The following B4GALNT3 variants were observed in gnomAD, a reference collection of about 807,000 sequenced individuals.
B4GALNT3 encodes the protein beta-1,4-N-acetylgalactosaminyltransferase 3.
In B4GALNT3, 86 loss-of-function variants were observed where a neutral mutation model predicts 120.2. The observed-to-expected ratio is 0.72, with a 90% CI of 0.60 to 0.86. The LOEUF (loss-of-function observed/expected upper bound fraction) is 0.86, where lower values mean the gene tolerates loss of function less well. Ranked by LOEUF, B4GALNT3 falls within the 40% of genes least tolerant of loss-of-function variation. The pLI is 0.00. For missense variants in B4GALNT3, 1,167 were observed against 1,298.9 expected, an observed-to-expected ratio of 0.90 and a Z score of 1.56; for synonymous variants, 518 against 510.4, an observed-to-expected ratio of 1.01 and a Z score of -0.20.
At chr12:462,991 A>T (rs1946037030) in intron 1 of B4GALNT3, among the ~76,000 whole-genome samples, 1 of 152,188 alleles carries the variant, frequency 6.6e-6, no homozygotes, top group South Asian at 2.1e-4. Context: ...ACCAACAGGA[A>T]CCAGGGTAGT....
intron 1 of B4GALNT3, among the ~76,000 whole-genome samples, chr12:475,500 C>T (rs1021614555): frequency 5.9e-5 from 9 of 152,150 alleles, no homozygotes; most frequent in African/African-American, 2.2e-4. Flanking sequence ...CTTCCTGTCC[C>T]GGCAGAACCG....
chr12:518,373 A>T (rs1023293343), intron 1 of B4GALNT3, among the ~76,000 whole-genome samples: 1 of 152,216 alleles, frequency 6.6e-6, no homozygotes, highest in African/African-American at 2.4e-5. Context: ...TCCCTTATAT[A>T]AAATATGGTG....
intron 1 of B4GALNT3, among the ~76,000 whole-genome samples, chr12:467,134 G>C (rs1186744389): frequency 7.8e-6 from 1 of 127,992 alleles, no homozygotes; most frequent in Non-Finnish European, 1.9e-5. Context: ...TTGAGACTGA[G>C]TCTTACTCTG....
At chr12:491,902 A>G (rs1946342632) in intron 1 of B4GALNT3, among the ~76,000 whole-genome samples, 1 of 151,866 alleles carries the variant, frequency 6.6e-6, no homozygotes, top group Non-Finnish European at 1.5e-5. Context: ...AAAAATACAA[A>G]AAAAAATTAG....
intron 1 of B4GALNT3, among the ~76,000 whole-genome samples, chr12:503,775 C>G (rs150350219): frequency 6.6e-6 from 1 of 152,164 alleles, no homozygotes; most frequent in South Asian, 2.1e-4. Flanking sequence ...CTCCCATTCA[C>G]CTGGCAGCAT....
Position 548,422 on chromosome 12 carries a change from T to G in B4GALNT3, c.853+125T>G. 1 of 847,378 alleles carries G rather than the reference T, an allele frequency of 1.2e-6. No individual in the cohort carries two copies. The allele number at this position is 847,378 out of a possible 1,614,324, so 52.5% of individuals were successfully genotyped here. On this transcript the variant is annotated intron_variant, in intron 9 of 19. Coordinates refer to ENST00000266383, the MANE Select transcript of B4GALNT3 (RefSeq NM_173593.4). This position sits in a 1 kb window ranked among gnomAD's most constrained non-coding sequence, Gnocchi z 4.9. ...GCTCGAGATGCTTGGGACACGGGTA[T>G]GAAGGGGTCCAGAACAAGAGTGGGA...
chr12:544,124 G>A (rs576015591), intron 3 of B4GALNT3, among the ~76,000 whole-genome samples: 2 of 132,590 alleles, frequency 1.5e-5, no homozygotes, highest in African/African-American at 5.5e-5. Context: ...GCTGGGACGG[G>A]CATGGGGTGC....
Position 460,682 on chromosome 12 carries a change from CCGCG to C in B4GALNT3, c.169+140_169+143del. 1.1e-6 allele frequency: 1 copy of C among 947,254 alleles called. No individual in the cohort carries two copies. Among genetic ancestry groups the C allele is most frequent in the Non-Finnish European group, 1.4e-6 (1 of 723,740 alleles). 58.7% of individuals were successfully genotyped at this position (947,254 alleles called of 1,614,324 possible). A position where few individuals can be genotyped will look rare whatever the true frequency, so the allele number is the denominator to read the frequency against. ...TCTCCCTCAGGTGCCCGGCGTCGCC[CCGCG>C]CGTACTCGGGGAGAGCTGCGGGCGG... is the stretch of plus-strand genomic sequence containing the variant. On this transcript the variant is annotated intron_variant, in intron 1 of 19. Coordinates refer to ENST00000266383, the MANE Select transcript of B4GALNT3 (RefSeq NM_173593.4). The surrounding 1 kb of genome is among the most constrained non-coding windows in gnomAD (Gnocchi z 8.0).
intron 9 of B4GALNT3, among the ~76,000 whole-genome samples, chr12:549,496 C>T (rs1234779154): frequency 1.3e-5 from 2 of 152,214 alleles, no homozygotes; most frequent in South Asian, 2.1e-4. Flanking sequence ...TCTAGCAGTC[C>T]GCAGTAACAC....
At chr12:543,820 G>T (rs1946952870) in intron 3 of B4GALNT3, among the ~76,000 whole-genome samples, 4 of 134,550 alleles carry the variant, frequency 3.0e-5, no homozygotes, top group East Asian at 2.3e-4. Flanking sequence ...GAGCTGAGGA[G>T]CTGGGATGGG....
rs1389600625 is a variant in B4GALNT3 at position 535,217 on chromosome 12, C to T, written c.221C>T (p.Pro74Leu). The change falls in exon 2 of 20, where the codon CCA becomes CTA. Residue 74 changes from proline to leucine, a missense_variant. Transcript: ENST00000266383. ...AAGGCTCTGGCCAGCAGGAACATTC[C>T]AGCTGTGGATCCACACCTCCAGTTC... is the stretch of plus-strand genomic sequence containing the variant. ...LAKALASRNI[P>L]AVDPHLQFYH... is the part of the protein sequence containing the mutation. 2 of 1,613,812 alleles carry T rather than the reference C, an allele frequency of 1.2e-6. No homozygotes were observed. The highest frequency in any genetic ancestry group is 1.7e-6 in the Non-Finnish European group (2 of 1,179,988).
chr12:500,872 T>TTTTTTTTTTTTTTTTTTTTTTTTTG (rs1946434965), intron 1 of B4GALNT3, among the ~76,000 whole-genome samples: 1 of 126,288 alleles, frequency 7.9e-6, no homozygotes, highest in Non-Finnish European at 1.7e-5. Flanking sequence ...CTGCTTTTTT[T>TTTTTTTTTTTTTTTTTTTTTTTTTG]TTTTTTTTTT....
intron 7 of B4GALNT3, 25 bp from the exon 8 acceptor site, chr12:547,999 G>A (rs1947029529): frequency 6.2e-7 from 1 of 1,608,734 alleles, no homozygotes; most frequent in Admixed American, 1.7e-5. Context: ...ATGGCGCTCT[G>A]CTTCCCTGCC....
At position 549,918 on chromosome 12, in the gene B4GALNT3, G is replaced by C. The variant is rs1947058717; in HGVS notation, c.997+6G>C. ...CCGGGACACCCTCTATCGAGGTAAG[G>C]CCTCGGCCAGCGCTTGGCGTCCTTT... is the stretch of plus-strand genomic sequence containing the variant. On this transcript the variant is annotated splice_donor_region_variant and intron_variant, in intron 10 of 19. Coordinates refer to ENST00000266383, the MANE Select transcript of B4GALNT3 (RefSeq NM_173593.4). 1.9e-6 allele frequency: 3 copies of C among 1,606,688 alleles called. No individual in the cohort carries two copies. The highest frequency in any genetic ancestry group is 2.7e-5 in the African/African-American group (2 of 74,706).
intron 13 of B4GALNT3, 168 bp from the exon 14 acceptor site, chr12:553,026 G>A: frequency 1.1e-6 from 1 of 897,754 alleles, no homozygotes; most frequent in Non-Finnish European, 1.7e-6. Context: ...GGGGTTAATT[G>A]AGGTTGAGTA....
At chr12:546,997 C>T (rs929993393) in intron 7 of B4GALNT3, among the ~76,000 whole-genome samples, 2 of 152,224 alleles carry the variant, frequency 1.3e-5, no homozygotes, top group Non-Finnish European at 2.9e-5. Context: ...AGTCCTTGCC[C>T]TCCCCCGTTT....
At chr12:483,920 C>T (rs896008410) in intron 1 of B4GALNT3, among the ~76,000 whole-genome samples, 1 of 152,146 alleles carries the variant, frequency 6.6e-6, no homozygotes, top group African/African-American at 2.4e-5. Flanking sequence ...TTGACTTGCA[C>T]AGTGAGCTGG....
rs36039630 is a variant in B4GALNT3, at chr12:545,723, G to T, written c.639+254G>T. On this transcript the variant is annotated intron_variant, in intron 6 of 19. Coordinates refer to ENST00000266383, the MANE Select transcript of B4GALNT3 (RefSeq NM_173593.4). ...GGAGTGAGGAATGGGGAGGAGCGAG[G>T]TGTGGGGAGGAGCGAGGAGTGGGGA... Among the ~76,000 whole-genome samples the T allele has an allele frequency of 7.9e-5, 9 of 113,642 alleles. 1 individual carries two copies. The highest frequency in any genetic ancestry group is 1.9e-4 in the African/African-American group (6 of 31,466). 74.6% of individuals were successfully genotyped at this position (113,642 alleles called of 152,430 possible).
intron 1 of B4GALNT3, among the ~76,000 whole-genome samples, chr12:492,672 A>G (rs1312887307): frequency 1.3e-5 from 2 of 152,246 alleles, no homozygotes; most frequent in East Asian, 1.9e-4. Context: ...TGTTGGAGGC[A>G]AAGAACAAAG....
Sources: gnomAD v4.1 joint callset for allele counts (sites outside exome capture counted in the v4.1 genomes callset) on GRCh38, gnomAD v4.1.1 for gene constraint, Gnocchi (gnomAD v3.1) non-coding constraint, MANE v1.5 for transcripts, NCBI Gene and HGNC (gene_info 2026-07-23, HGNC 2026-07-21) for gene names.